The following MLIP variants were observed in gnomAD, a reference collection of about 807,000 sequenced individuals.
MLIP encodes the protein muscular LMNA interacting protein, also known as muscular LMNA-interacting protein.
In MLIP, 79 loss-of-function variants were observed where a neutral mutation model predicts 84.8. The ratio of observed to expected loss-of-function variants is 0.93; its 90% CI spans 0.78 to 1.12. The LOEUF (loss-of-function observed/expected upper bound fraction) is 1.12, where lower values mean the gene tolerates loss of function less well. Ranked by LOEUF, MLIP falls within the 50% of genes most tolerant of loss-of-function variation. The pLI is 0.00. For missense variants in MLIP, 1,257 were observed against 1,160.6 expected (o/e 1.08, Z -1.21); for synonymous variants, 504 against 463.0 (o/e 1.09, Z -1.14).
At chr6:54,061,508 T>C (rs537185822) in intron 1 of MLIP, among the ~76,000 whole-genome samples, 1 of 152,272 alleles carries the variant, frequency 6.6e-6, no homozygotes, top group South Asian at 2.1e-4. Context: ...AATAAGCAAA[T>C]AACCACTGTT....
intron 5 of MLIP, among the ~76,000 whole-genome samples, chr6:54,149,600 T>C (rs894690708): frequency 3.3e-5 from 5 of 152,134 alleles, no homozygotes; most frequent in African/African-American, 7.2e-5. Context: ...TCAGATATTA[T>C]AGCTGAGTAT....
chr6:54,251,099 G>A (rs1026366172), intron 12 of MLIP, among the ~76,000 whole-genome samples: 9 of 151,916 alleles, frequency 5.9e-5, no homozygotes, highest in Non-Finnish European at 8.8e-5. Context: ...TGTGGTAAAT[G>A]ATCTAACTAT....
chr6:54,202,687 G>C (rs1367842228), intron 11 of MLIP, among the ~76,000 whole-genome samples: 1 of 151,998 alleles, frequency 6.6e-6, no homozygotes, highest in Non-Finnish European at 1.5e-5. Context: ...GACCCCAGGA[G>C]TTTGAGACAA....
intron 1 of MLIP, among the ~76,000 whole-genome samples, chr6:54,114,687 ACTGT>A (rs1333452166): frequency 6.6e-6 from 1 of 152,188 alleles, no homozygotes; most frequent in African/African-American, 2.4e-5. Flanking sequence ...TTATTTGTCT[ACTGT>A]CTGTTTCCCT....
intron 1 of MLIP, among the ~76,000 whole-genome samples, chr6:54,112,146 G>T (rs936108576): frequency 2.1e-4 from 32 of 152,118 alleles, no homozygotes; most frequent in Admixed American, 1.3e-4. Context: ...GTGTTAATTG[G>T]CAATTAACAA....
At chr6:54,027,879 G>A (rs558494981) in intron 1 of MLIP, among the ~76,000 whole-genome samples, 1 of 152,308 alleles carries the variant, frequency 6.6e-6, no homozygotes, top group African/African-American at 2.4e-5. Flanking sequence ...TAACAGAAAG[G>A]AGATAGATGG....
intron 1 of MLIP, among the ~76,000 whole-genome samples, chr6:54,021,018 A>G (rs1763470208): frequency 6.6e-6 from 1 of 152,140 alleles, no homozygotes; most frequent in Non-Finnish European, 1.5e-5. Context: ...TATGCTTAGT[A>G]TTTTCTATTT....
chr6:54,199,908 C>T (rs1297506074), intron 10 of MLIP, among the ~76,000 whole-genome samples: 1 of 152,088 alleles, frequency 6.6e-6, no homozygotes, highest in Non-Finnish European at 1.5e-5. Context: ...GACTCAGAGA[C>T]TTCATATAGC....
chr6:54,187,065 T>C (rs985777694), intron 9 of MLIP, among the ~76,000 whole-genome samples: 1 of 152,168 alleles, frequency 6.6e-6, no homozygotes, highest in African/African-American at 2.4e-5. Flanking sequence ...TCTTGGGTGA[T>C]AAGAAAAAGT....
At chr6:54,157,804 T>G (rs1051747422) in intron 5 of MLIP, among the ~76,000 whole-genome samples, 3 of 152,108 alleles carry the variant, frequency 2.0e-5, no homozygotes, top group African/African-American at 7.2e-5. Flanking sequence ...TGCCAATCAT[T>G]TCTCATGATT....
At chr6:54,191,904 A>G (rs1291428227) in intron 10 of MLIP, among the ~76,000 whole-genome samples, 1 of 151,750 alleles carries the variant, frequency 6.6e-6, no homozygotes, top group Non-Finnish European at 1.5e-5. Context: ...GTGTTGGACT[A>G]TATATACATG....
chr6:54,037,815 G>T (rs1011291721), intron 1 of MLIP, among the ~76,000 whole-genome samples: 3 of 151,838 alleles, frequency 2.0e-5, no homozygotes, highest in Admixed American at 6.6e-5. Flanking sequence ...GCATCATATT[G>T]GATTCAAACA....
At chr6:54,122,331 C>G (rs1446298955) in intron 2 of MLIP, among the ~76,000 whole-genome samples, 1 of 152,122 alleles carries the variant, frequency 6.6e-6, no homozygotes, top group Non-Finnish European at 1.5e-5. Flanking sequence ...TGATATAATA[C>G]TGTGTTCATA....
At chr6:54,169,336 C>G (rs1775529564) in intron 8 of MLIP, among the ~76,000 whole-genome samples, 192 bp from the exon 9 acceptor site, 1 of 151,566 alleles carries the variant, frequency 6.6e-6, no homozygotes. Context: ...TACCAGAAAG[C>G]TGATAAAGTC....
rs532061358 is a variant in MLIP at position 54,137,965 on chromosome 6, T to C, written c.1896T>C (p.Ser632=). The C allele has an allele frequency of 6.5e-6, 10 of 1,536,112 alleles. No homozygotes were observed. Among genetic ancestry groups the C allele is most frequent in the South Asian group, 2.4e-5 (2 of 84,064 alleles). ...NRSKRASSQL[S]GQELNPSALP... is the part of the protein sequence containing the mutation. ...CTAAAAGAGCATCATCCCAACTATC[T>C]GGCCAGGAGCTGAATCCTTCAGCTC... The change falls in exon 4 of 14, where the codon TCT becomes TCC. Residue 632 remains serine (S), a synonymous_variant. Transcript: ENST00000502396.
At chr6:54,031,133 T>C (rs1432799851) in intron 1 of MLIP, among the ~76,000 whole-genome samples, 1 of 152,170 alleles carries the variant, frequency 6.6e-6, no homozygotes, top group Non-Finnish European at 1.5e-5. Context: ...CCTAGAATCT[T>C]AACAACCCAA....
At chr6:54,037,373 G>A (rs16884633) in intron 1 of MLIP, among the ~76,000 whole-genome samples, 30,243 of 151,798 alleles carry the variant, frequency 0.2, 3,285 homozygotes, top group East Asian at 0.39. Flanking sequence ...ATATGGGATT[G>A]CTTCTCAAAG....
chr6:54,039,379 T>C (rs1325832), intron 1 of MLIP, among the ~76,000 whole-genome samples: 148,959 of 152,020 alleles, frequency 0.98, 73,013 homozygotes, highest in East Asian at 1. Flanking sequence ...TGGATTAAAA[T>C]GGGTGAATGC....
intron 10 of MLIP, among the ~76,000 whole-genome samples, chr6:54,193,963 T>A (rs1778118569): frequency 6.6e-6 from 1 of 152,164 alleles, no homozygotes; most frequent in Non-Finnish European, 1.5e-5. Context: ...GAGCCTGGTT[T>A]AGATGACATT....
Sources: gnomAD v4.1 joint callset for allele counts (sites outside exome capture counted in the v4.1 genomes callset) on GRCh38, gnomAD v4.1.1 for gene constraint, MANE v1.5 for transcripts, NCBI Gene and HGNC (gene_info 2026-07-23, HGNC 2026-07-21) for gene names.